DDR2: variants seen among roughly 807,000 people sequenced by gnomAD.
DDR2 encodes discoidin domain-containing receptor 2.
In DDR2, 27 loss-of-function variants were observed where a neutral mutation model predicts 94.9. That is an observed-to-expected ratio of 0.28 (90% CI 0.21 to 0.39). DDR2 has a LOEUF of 0.39. Ranked by LOEUF, DDR2 falls within the 10% of genes least tolerant of loss-of-function variation. DDR2 has a pLI of 1.00. For synonymous variants in DDR2, 382 were observed against 377.2 expected (o/e 1.01, Z -0.15); for missense variants, 783 against 1,076.0 (o/e 0.73, Z 3.81).
At chr1:162,723,089 A>T (rs938378712) in intron 3 of DDR2, among the ~76,000 whole-genome samples, 1 of 152,096 alleles carries the variant, frequency 6.6e-6, no homozygotes, top group Non-Finnish European at 1.5e-5. Flanking sequence ...GAATGCAGAA[A>T]CCCTGCCCCA....
At chr1:162,683,045 C>A (rs1165655260) in intron 2 of DDR2, among the ~76,000 whole-genome samples, 1 of 152,024 alleles carries the variant, frequency 6.6e-6, no homozygotes, top group Non-Finnish European at 1.5e-5. Flanking sequence ...CACATCATAT[C>A]AAATTAGATT....
intron 2 of DDR2, among the ~76,000 whole-genome samples, chr1:162,675,268 T>A (rs980734206): frequency 3.9e-5 from 6 of 152,080 alleles, no homozygotes; most frequent in African/African-American, 1.4e-4. Flanking sequence ...AATGTAGAGA[T>A]TACAGGGTAG....
chr1:162,704,224 C>T (rs1260722017), intron 2 of DDR2, among the ~76,000 whole-genome samples: 1 of 152,202 alleles, frequency 6.6e-6, no homozygotes, highest in Admixed American at 6.5e-5. Context: ...AAGCATCTCC[C>T]TGCCCCTAAT....
chr1:162,649,505 G>T (rs776762227), intron 1 of DDR2, among the ~76,000 whole-genome samples: 19 of 152,150 alleles, frequency 1.2e-4, no homozygotes, highest in Non-Finnish European at 2.8e-4. Flanking sequence ...TTCCCCAGGG[G>T]TTATGTTCAT....
intron 9 of DDR2, 48 bp downstream of exon 9, chr1:162,761,502 G>C (rs1224237208): frequency 1.9e-6 from 3 of 1,613,710 alleles, no homozygotes; most frequent in Non-Finnish European, 2.5e-6. Flanking sequence ...GGTGATGAAG[G>C]AGGAATGCAC....
intron 1 of DDR2, among the ~76,000 whole-genome samples, chr1:162,634,469 G>A (rs774286740): frequency 3.9e-5 from 6 of 152,286 alleles, no homozygotes; most frequent in South Asian, 2.1e-4. Context: ...GATTAGGATC[G>A]GTAAACACAG....
intron 2 of DDR2, among the ~76,000 whole-genome samples, chr1:162,712,881 G>A (rs554626559): frequency 6.6e-6 from 1 of 152,134 alleles, no homozygotes; most frequent in South Asian, 2.1e-4. Context: ...ATCTCATTTC[G>A]AGATAGAGAT....
Position 162,785,350 on chromosome 1 carries a change from C to T in DDR2, c.*5104C>T, listed in dbSNP as rs551724329. 3 of 152,282 alleles carry T rather than the reference C, an allele frequency of 2.0e-5. No homozygotes were observed. In the East Asian group the frequency reaches 5.8e-4, roughly 29 times the overall value. 9.4% of individuals were successfully genotyped at this position (152,282 alleles called of 1,614,324 possible). ...AATAGCTTGTGGAGAGAATAGAATA[C>T]AATGGTATAGACTCCTAATGTTTGA... On this transcript the variant is annotated 3_prime_UTR_variant, in exon 18 of 18. Transcript: ENST00000367921.
chr1:162,717,043 G>T (rs1309132702), intron 2 of DDR2, among the ~76,000 whole-genome samples: 1 of 151,500 alleles, frequency 6.6e-6, no homozygotes, highest in African/African-American at 2.4e-5. Flanking sequence ...TTGTATTCTA[G>T]AACAGTTTTT....
At chr1:162,764,611 G>T (rs776136226) in intron 9 of DDR2, among the ~76,000 whole-genome samples, 6 of 152,014 alleles carry the variant, frequency 3.9e-5, no homozygotes, top group Non-Finnish European at 5.9e-5. Context: ...AGGATTGCTT[G>T]TATTCAAGAG....
intron 3 of DDR2, among the ~76,000 whole-genome samples, chr1:162,731,816 G>T (rs536388613): frequency 7.2e-5 from 11 of 152,324 alleles, no homozygotes; most frequent in South Asian, 6.2e-4. Context: ...GTTCATAGAG[G>T]TTTGGTAACT....
chr1:162,752,891 C>T (rs1001120061), intron 3 of DDR2, among the ~76,000 whole-genome samples: 1 of 151,884 alleles, frequency 6.6e-6, no homozygotes, highest in Non-Finnish European at 1.5e-5. Context: ...GGTCAAATCT[C>T]GGAGGCCCAA....
chr1:162,777,571 C>T (rs964799546), intron 16 of DDR2, among the ~76,000 whole-genome samples: 1 of 152,146 alleles, frequency 6.6e-6, no homozygotes, highest in Non-Finnish European at 1.5e-5. Flanking sequence ...AGGCATTACT[C>T]TCCCTAAAGG....
intron 4 of DDR2, 76 bp downstream of exon 4, chr1:162,753,273 G>T (rs2102128319): frequency 1.5e-6 from 2 of 1,371,314 alleles, no homozygotes; most frequent in South Asian, 2.4e-5. Context: ...CTGACCCTAG[G>T]GGCTGGGGAA....
rs188273406 is a variant in DDR2, at chr1:162,723,277, C to T, written c.82+4132C>T. 9.8e-4 allele frequency among the ~76,000 whole-genome samples: 149 copies of T among 152,210 alleles called. 1 individual carries two copies. Among genetic ancestry groups the T allele is most frequent in the Middle Eastern group, 3.4e-3 (1 of 294 alleles). ...GGAGGATAATGAGTGAGAGAGCCAG[C>T]GGGGCTATGTAGGAGATCCATTCCC... On this transcript the variant is annotated intron_variant, in intron 3 of 17. Transcript: ENST00000367921.
chr1:162,637,018 T>A (rs1656859625), intron 1 of DDR2, among the ~76,000 whole-genome samples: 1 of 152,196 alleles, frequency 6.6e-6, no homozygotes. Context: ...ATATTTTTTA[T>A]CTATTAAAAA....
intron 5 of DDR2, 87 bp downstream of exon 5, chr1:162,754,942 G>C: frequency 1.3e-6 from 2 of 1,522,534 alleles, no homozygotes; most frequent in Non-Finnish European, 1.8e-6. Context: ...TTTTCTGTGT[G>C]GATATGTGTG....
At chr1:162,760,147 T>A (rs1663644426) in intron 8 of DDR2, among the ~76,000 whole-genome samples, 168 bp downstream of exon 8, 1 of 152,168 alleles carries the variant, frequency 6.6e-6, no homozygotes, top group African/African-American at 2.4e-5. Flanking sequence ...AAGGGCGTGA[T>A]TCTCCATTTG....
At chr1:162,701,269 T>C (rs1430046834) in intron 2 of DDR2, among the ~76,000 whole-genome samples, 1 of 152,236 alleles carries the variant, frequency 6.6e-6, no homozygotes, top group African/African-American at 2.4e-5. Context: ...GTTTAAACAG[T>C]TCAGCTGTAG....
Sources: allele counts gnomAD v4.1 joint callset (sites outside exome capture counted in the v4.1 genomes callset), GRCh38; gene constraint gnomAD v4.1.1; transcripts MANE v1.5; gene names NCBI Gene and HGNC (gene_info 2026-07-23, HGNC 2026-07-21).